PTCH1: variants seen among roughly 807,000 people sequenced by gnomAD.
The protein encoded by PTCH1 is patched 1.
Under a neutral mutation model 144.6 loss-of-function variants are expected in PTCH1, and 14 were observed. The observed-to-expected ratio is 0.10, with a 90% CI of 0.06 to 0.15. The LOEUF (loss-of-function observed/expected upper bound fraction) is 0.15. Among genes scored for constraint, PTCH1 ranks in the 10% least tolerant of loss-of-function variants. The pLI is 1.00. For synonymous variants in PTCH1, 833 were observed against 793.6 expected (o/e 1.05, Z -0.83); for missense variants, 1,623 against 1,948.3 (o/e 0.83, Z 3.14).
At chr9:95,488,987 A>C (rs1023994394) in intron 2 of PTCH1, among the ~76,000 whole-genome samples, 1 of 152,308 alleles carries the variant, frequency 6.6e-6, no homozygotes, top group East Asian at 1.9e-4. Context: ...TGAGACCATA[A>C]TTAAGTCTTG....
At chr9:95,509,597 GCA>G (rs984942986), upstream of PTCH1, among the ~76,000 whole-genome samples, 22 of 152,266 alleles carry the variant, frequency 1.4e-4, no homozygotes, top group East Asian at 3.3e-3. Flanking sequence ...GCCTTTGCGC[GCA>G]CACACGCGCG....
chr9:95,507,143 C>A, intron 1 of PTCH1: 1 of 985,514 alleles, frequency 1.0e-6, no homozygotes, highest in Non-Finnish European at 1.2e-6. Flanking sequence ...GCGCGGCCGC[C>A]GGAGTTCACT....
chr9:95,488,481 T>C (rs1842146997), intron 2 of PTCH1, among the ~76,000 whole-genome samples: 2 of 152,246 alleles, frequency 1.3e-5, no homozygotes, highest in Admixed American at 6.5e-5. Flanking sequence ...TTTTATCTAA[T>C]ATTTCATCTT....
intron 3 of PTCH1, chr9:95,482,479 G>T: frequency 2.0e-6 from 1 of 491,696 alleles, no homozygotes; most frequent in Non-Finnish European, 3.7e-6. Context: ...CAATAATCTT[G>T]TTTACACCAT....
chr9:95,444,251 A>T lies in PTCH1; in HGVS notation c.*2142T>A, dbSNP rs1167342196. On this transcript the variant is annotated 3_prime_UTR_variant, in exon 24 of 24. Coordinates refer to ENST00000331920, the MANE Select transcript of PTCH1 (RefSeq NM_000264.5). ...CTCCCTTTGCCAATGTGACTATTGG[A>T]GAAAGTTCTACACCATGCAGAAATC... 7.4e-6 allele frequency: 1 copy of T among 134,698 alleles called. No homozygotes were observed. Among genetic ancestry groups the T allele is most frequent in the Admixed American group, 7.5e-5 (1 of 13,298 alleles). 8.3% of individuals were successfully genotyped at this position (134,698 alleles called of 1,614,324 possible).
chr9:95,465,399 C>T (rs1279057978), intron 15 of PTCH1, among the ~76,000 whole-genome samples: 1 of 152,216 alleles, frequency 6.6e-6, no homozygotes, highest in East Asian at 1.9e-4. Flanking sequence ...ACTCTCTCCA[C>T]TGTCTCTCTT....
rs568220666 is a variant in PTCH1, at chr9:95,507,189, T to A, written c.202-590A>T. On this transcript the variant is annotated intron_variant, in intron 1 of 23. Coordinates refer to ENST00000331920, the MANE Select transcript of PTCH1 (RefSeq NM_000264.5). The stretch of plus-strand genomic sequence containing the variant: ...TTCCATAGCGTGGGGAGAGGCTGTG[T>A]GAGCTGAATTAGGAAGTGGGGCAGC... The A allele has an allele frequency of 6.6e-4, 652 of 984,986 alleles. 1 individual carries two copies. The Middle Eastern group carries it at 7.3e-3, about 11-fold the overall frequency. 61.0% of individuals were successfully genotyped at this position (984,986 alleles called of 1,614,324 possible).
upstream of PTCH1, among the ~76,000 whole-genome samples, chr9:95,511,346 C>G (rs2118936657): frequency 6.6e-6 from 1 of 152,318 alleles, no homozygotes; most frequent in African/African-American, 2.4e-5. Flanking sequence ...AGCCTGGCCA[C>G]CTTCCCTCCA....
In PTCH1 at chr9:95,508,310, T is replaced by A. The variant is rs1199437529; in HGVS notation, c.52A>T (p.Ser18Cys). ...CGTCCCGGGGCACCGATACAGCCGC[T>A]GCCGCCGCCGCCGCGGTCCTGGGGC... ...AEPQDRGGGG[S>C]GCIGAPGRPA... is the part of the protein sequence containing the mutation. Residue 18 changes from serine to cysteine, a missense_variant, in exon 1 of 24, where the codon AGC (serine) becomes TGC (cysteine). Coordinates refer to ENST00000331920, the MANE Select transcript of PTCH1 (RefSeq NM_000264.5). 5 of 1,399,420 alleles carry A rather than the reference T, an allele frequency of 3.6e-6. No individual in the cohort carries two copies. In the South Asian group the frequency reaches 8.1e-5, roughly 23 times the overall value. 86.7% of individuals were successfully genotyped at this position (1,399,420 alleles called of 1,614,324 possible).
chr9:95,453,231 C>A (rs572972898), intron 20 of PTCH1: 47 of 479,936 alleles, frequency 9.8e-5, no homozygotes, highest in African/African-American at 9.2e-4. Context: ...CTCCCGGGTT[C>A]GAGCAATTCT....
At chr9:95,446,501 G>A (rs977048169) in intron 23 of PTCH1, 110 bp from the exon 24 acceptor site, 1 of 477,220 alleles carries the variant, frequency 2.1e-6, no homozygotes, top group Non-Finnish European at 4.2e-6. Context: ...AATCACGAGA[G>A]TGGGGTGTGG....
chr9:95,478,870 C>A (rs1030735713), intron 8 of PTCH1, 130 bp downstream of exon 8: 3 of 1,425,492 alleles, frequency 2.1e-6, no homozygotes, highest in Non-Finnish European at 2.9e-6. Context: ...AAAAAGTTTT[C>A]ATCCCATCAA....
In PTCH1 at chr9:95,508,220, C is replaced by T. The variant is rs745685305; in HGVS notation, c.142G>A (p.Asp48Asn). 2 of 1,611,574 alleles carry T rather than the reference C, an allele frequency of 1.2e-6. No homozygotes were observed. Among genetic ancestry groups the T allele is most frequent in the African/African-American group, 1.3e-5 (1 of 75,006 alleles). ...GLRRAAAPDR[D>N]YLHRPSYCDA... ...CAGTAGCTGGGCCGGTGCAGATAGT[C>T]CCGGTCCGGCGCGGCAGCACGGCGC... The change falls in exon 1 of 24, where the codon GAC becomes AAC. Residue 48 changes from aspartate (D) to asparagine (N), a missense_variant. Transcript: ENST00000331920.
chr9:95,460,254 G>C (rs924883793), intron 16 of PTCH1, among the ~76,000 whole-genome samples: 3 of 152,148 alleles, frequency 2.0e-5, no homozygotes, highest in Non-Finnish European at 4.4e-5. Context: ...GCTAACACTA[G>C]CCTCCTATGA....
chr9:95,490,139 G>A (rs1371684784), intron 2 of PTCH1, among the ~76,000 whole-genome samples: 2 of 150,330 alleles, frequency 1.3e-5, no homozygotes, highest in Non-Finnish European at 3.0e-5. Context: ...GCTTTTTTGA[G>A]TTTATTTCTA....
Position 95,464,052 on chromosome 9 carries a change from C to T in PTCH1, c.2561-2054G>A, listed in dbSNP as rs567994851. 2.6e-5 allele frequency among the ~76,000 whole-genome samples: 4 copies of T among 152,310 alleles called. No homozygotes were observed. The East Asian group carries it at 7.7e-4, about 29-fold the overall frequency. On this transcript the variant is annotated intron_variant, in intron 15 of 23. Coordinates refer to ENST00000331920, the MANE Select transcript of PTCH1 (RefSeq NM_000264.5). The stretch of plus-strand genomic sequence containing the variant: ...AGGGTGAAACAAAGGAAGAAAGATC[C>T]TATCTGGGGAGGTCAGCCTTGCTGG...
Position 95,473,370 on chromosome 9 carries a change from AAC to A in PTCH1, c.1728+2662_1728+2663del, listed in dbSNP as rs369437911. Among the ~76,000 whole-genome samples the A allele has an allele frequency of 1.3e-3, 191 of 152,252 alleles. 2 individuals are homozygous for A. In the East Asian group the frequency reaches 0.027, roughly 22 times the overall value. On this transcript the variant is annotated intron_variant, in intron 12 of 23. Coordinates refer to ENST00000331920, the MANE Select transcript of PTCH1 (RefSeq NM_000264.5). Reference sequence around the variant, plus strand: ...TAATCTGTAGCATCTTGCAAATATAAACACAACTGAACACCCAGAGTCAAACC... The same window carrying A: ...TAATCTGTAGCATCTTGCAAATATAAACAACTGAACACCCAGAGTCAAACC...
chr9:95,498,034 G>C (rs917747925), intron 2 of PTCH1, among the ~76,000 whole-genome samples: 2 of 152,112 alleles, frequency 1.3e-5, no homozygotes, highest in African/African-American at 4.8e-5. Flanking sequence ...GGATTCCTGA[G>C]CTAGGGGCCA....
Position 95,444,872 on chromosome 9 carries a change from AG to A in PTCH1, c.*1520del, listed in dbSNP as rs1210558920. Reference sequence around the variant, plus strand: ...CACCTCAGAGCAAAAGAAGAGAACCAGTACAGAAGCAACTTTTAAAAATATG... The same window carrying A: ...CACCTCAGAGCAAAAGAAGAGAACCATACAGAAGCAACTTTTAAAAATATG... On this transcript the variant is annotated 3_prime_UTR_variant, in exon 24 of 24. Transcript: ENST00000331920. The A allele has an allele frequency of 2.0e-5, 3 of 152,234 alleles. No individual in the cohort carries two copies. The highest frequency in any genetic ancestry group is 4.4e-5 in the Non-Finnish European group (3 of 68,058). 9.4% of individuals were successfully genotyped at this position (152,234 alleles called of 1,614,324 possible). A position where few individuals can be genotyped will look rare whatever the true frequency, so the allele number is the denominator to read the frequency against.
Sources: allele counts gnomAD v4.1 joint callset (sites outside exome capture counted in the v4.1 genomes callset), GRCh38; gene constraint gnomAD v4.1.1; transcripts MANE v1.5; gene names NCBI Gene and HGNC (gene_info 2026-07-23, HGNC 2026-07-21).